The following ABCG2 variants were observed in gnomAD, a reference collection of about 807,000 sequenced individuals.
The protein encoded by ABCG2 is broad substrate specificity ATP-binding cassette transporter ABCG2.
ABCG2 carries 80 observed loss-of-function variants against 73.5 expected under a neutral mutation model. That is an observed-to-expected ratio of 1.09 (90% confidence interval 0.91 to 1.31). The LOEUF is 1.31. ABCG2 is among the 50% of genes most tolerant of loss of function. The pLI is 0.00. For synonymous variants in ABCG2, 269 were observed against 282.4 expected, an observed-to-expected ratio of 0.95 and a Z score of 0.48; for missense variants, 796 against 786.2, an observed-to-expected ratio of 1.01 and a Z score of -0.15.
intron 1 of ABCG2, among the ~76,000 whole-genome samples, chr4:88,208,454 A>G (rs539329022): frequency 2.8e-4 from 42 of 152,326 alleles, no homozygotes; most frequent in Non-Finnish European, 4.4e-4. Context: ...AGGGAACTCT[A>G]CTAGAGACTT....
chr4:88,146,622 A>G (rs1242762456), intron 1 of ABCG2, among the ~76,000 whole-genome samples: 1 of 152,044 alleles, frequency 6.6e-6, no homozygotes, highest in African/African-American at 2.4e-5. Context: ...TTGAACTCCC[A>G]ACCTCAGGTG....
At chr4:88,182,456 T>C (rs1002003364) in intron 1 of ABCG2, among the ~76,000 whole-genome samples, 3 of 152,142 alleles carry the variant, frequency 2.0e-5, no homozygotes, top group Admixed American at 6.6e-5. Context: ...CACATTCTTC[T>C]CCTCAGCCAT....
At chr4:88,192,370 G>A (rs1367427151) in intron 1 of ABCG2, among the ~76,000 whole-genome samples, 1 of 152,032 alleles carries the variant, frequency 6.6e-6, no homozygotes, top group African/African-American at 2.4e-5. Flanking sequence ...AAAATTTTGA[G>A]ACCTAATTTC....
chr4:88,092,511 T>C, intron 15 of ABCG2, 130 bp from the exon 16 acceptor site: 1 of 891,994 alleles, frequency 1.1e-6, no homozygotes. Flanking sequence ...TCAGATATCA[T>C]AGCTAACAGT....
chr4:88,105,195 C>A (rs896828264), intron 10 of ABCG2, among the ~76,000 whole-genome samples: 9 of 152,188 alleles, frequency 5.9e-5, no homozygotes, highest in Admixed American at 1.3e-4. Context: ...TGATTCCATA[C>A]AAAAGAATTT....
At chr4:88,099,554 A>T in intron 11 of ABCG2, 106 bp from the exon 12 acceptor site, 1 of 1,210,264 alleles carries the variant, frequency 8.3e-7, no homozygotes, top group Non-Finnish European at 1.1e-6. Flanking sequence ...GGGTTGAACA[A>T]GCCAGCTTCC....
intron 9 of ABCG2, among the ~76,000 whole-genome samples, chr4:88,112,094 A>T (rs904567396): frequency 2.6e-5 from 4 of 151,934 alleles, no homozygotes; most frequent in Non-Finnish European, 5.9e-5. Flanking sequence ...TCTAAAAAAA[A>T]AAAAATGTGT....
intron 1 of ABCG2, among the ~76,000 whole-genome samples, chr4:88,222,342 G>A (rs957197358): frequency 2.0e-5 from 3 of 152,236 alleles, no homozygotes; most frequent in Non-Finnish European, 4.4e-5. Flanking sequence ...GATATGGTTT[G>A]GCTGTGTCCC....
intron 2 of ABCG2, among the ~76,000 whole-genome samples, chr4:88,134,251 T>G (rs1269538039): frequency 6.6e-6 from 1 of 152,206 alleles, no homozygotes; most frequent in Non-Finnish European, 1.5e-5. Flanking sequence ...TGCACCACAG[T>G]GCTTAAACCC....
intron 1 of ABCG2, among the ~76,000 whole-genome samples, chr4:88,152,770 G>A (rs1463673942): frequency 6.6e-6 from 1 of 152,100 alleles, no homozygotes; most frequent in African/African-American, 2.4e-5. Flanking sequence ...AAACAAAATA[G>A]TGGTAAAGTG....
chr4:88,208,772 T>C (rs74401190), intron 1 of ABCG2, among the ~76,000 whole-genome samples: 73 of 152,274 alleles, frequency 4.8e-4, no homozygotes, highest in African/African-American at 1.5e-3. Context: ...GCAAATAAAT[T>C]GAATCCATAA....
intron 1 of ABCG2, among the ~76,000 whole-genome samples, chr4:88,151,719 A>T (rs1277673309): frequency 6.6e-6 from 1 of 151,574 alleles, no homozygotes; most frequent in Non-Finnish European, 1.5e-5. Flanking sequence ...AGCCTGGGCG[A>T]CAGAGTGAGA....
intron 1 of ABCG2, among the ~76,000 whole-genome samples, chr4:88,214,911 C>A (rs1383046723): frequency 2.6e-5 from 4 of 151,700 alleles, no homozygotes; most frequent in Admixed American, 2.6e-4. Flanking sequence ...GCGAGAGCCA[C>A]AATGTCTGGC....
At chr4:88,136,190 C>A (rs1725233441) in intron 2 of ABCG2, among the ~76,000 whole-genome samples, 2 of 152,158 alleles carry the variant, frequency 1.3e-5, no homozygotes, top group Admixed American at 1.3e-4. Context: ...GATCTGTATG[C>A]ACCTGCACGT....
At chr4:88,107,677 C>A (rs1163946592) in intron 9 of ABCG2, among the ~76,000 whole-genome samples, 1 of 152,182 alleles carries the variant, frequency 6.6e-6, no homozygotes, top group Non-Finnish European at 1.5e-5. Flanking sequence ...AACTCTCAAC[C>A]TTTGTGCCAA....
In ABCG2 at chr4:88,113,498, C is replaced by T. The variant is rs34881799; in HGVS notation, c.999G>A (p.Ala333=). 9.9e-6 allele frequency: 16 copies of T among 1,613,994 alleles called. No homozygotes were observed. Among genetic ancestry groups the T allele is most frequent in the Admixed American group, 3.3e-5 (2 of 59,992 alleles). ...KQDKPLIEKL[A]EIYVNSSFYK... ...AGAAGGAGGAGTTGACATAAATCTC[C>T]GCTAATTTTTCTATGAGTGGCTTAT... The change falls in exon 9 of 16, where the codon GCG becomes GCA. Residue 333 remains alanine (A), a synonymous_variant. Coordinates refer to ENST00000237612, the MANE Select transcript of ABCG2 (RefSeq NM_004827.3).
chr4:88,222,448 T>A (rs1161579701), intron 1 of ABCG2, among the ~76,000 whole-genome samples: 1 of 151,916 alleles, frequency 6.6e-6, no homozygotes, highest in Non-Finnish European at 1.5e-5. Flanking sequence ...AGTGAATGAG[T>A]CTCATGAGAT....
At chr4:88,094,781 C>T (rs1185851783) in intron 14 of ABCG2, 122 bp from the exon 15 acceptor site, 4 of 774,840 alleles carry the variant, frequency 5.2e-6, no homozygotes, top group East Asian at 2.7e-5. Context: ...AACATATTCA[C>T]AGTCTTTGTC....
At chr4:88,168,695 A>C (rs1395568221) in intron 1 of ABCG2, among the ~76,000 whole-genome samples, 1 of 152,202 alleles carries the variant, frequency 6.6e-6, no homozygotes, top group East Asian at 1.9e-4. Flanking sequence ...CAGTACCTAT[A>C]AAAGTCTTTT....
Sources: gnomAD v4.1 joint callset for allele counts (sites outside exome capture counted in the v4.1 genomes callset) on GRCh38, gnomAD v4.1.1 for gene constraint, MANE v1.5 for transcripts, NCBI Gene and HGNC (gene_info 2026-07-23, HGNC 2026-07-21) for gene names.